Variants in FRMD8 observed in about 807,000 individuals in gnomAD.
FRMD8 encodes FERM domain containing 8.
FRMD8 carries 37 observed loss-of-function variants against 54.2 expected under a neutral mutation model. The ratio of observed to expected loss-of-function variants is 0.68; its 90% CI spans 0.53 to 0.90. The LOEUF (loss-of-function observed/expected upper bound fraction) is 0.90. FRMD8 is among the 40% of genes least tolerant of loss of function. The probability of loss-of-function intolerance (pLI) is 0.00; values close to 1 mark genes in which losing one functional copy is unlikely to be tolerated. For synonymous variants in FRMD8, 246 were observed against 286.9 expected (o/e 0.86, Z 1.44); for missense variants, 585 against 653.7 (o/e 0.89, Z 1.15).
chr11:65,392,562 T>C (rs1274797468), intron 3 of FRMD8, among the ~76,000 whole-genome samples: 2 of 152,162 alleles, frequency 1.3e-5, no homozygotes, highest in African/African-American at 4.8e-5. Flanking sequence ...TGAAAGGCTT[T>C]GTCCCTCCTG....
At position 65,396,930 on chromosome 11, in the gene FRMD8, A is replaced by G; in HGVS notation, c.713A>G (p.Gln238Arg). ...CTGCTGAACGCCTACCGCCAGGTGCAGGAGGTCAGCAGCGACGGCGGGTGC... is the reference window on the plus strand; with the variant it reads ...CTGCTGAACGCCTACCGCCAGGTGCGGGAGGTCAGCAGCGACGGCGGGTGC... ...QGLLNAYRQVQEVSSDGGCEA... is the reference protein window; with the variant it reads ...QGLLNAYRQVREVSSDGGCEA... The change falls in exon 7 of 11, where the codon CAG becomes CGG. Residue 238 changes from glutamine to arginine, a missense_variant. By Grantham distance (43) the Gln-to-Arg change is conservative. Coordinates refer to ENST00000317568, the MANE Select transcript of FRMD8 (RefSeq NM_031904.5). 1.3e-6 allele frequency: 2 copies of G among 1,550,682 alleles called. No individual in the cohort carries two copies. The highest frequency in any genetic ancestry group is 1.4e-5 in the African/African-American group (1 of 72,886).
chr11:65,400,831 A>G lies in FRMD8; in HGVS notation c.1035A>G (p.Thr345=). Residue 345 remains threonine (T), a synonymous_variant, in exon 9 of 11, where the codon ACA becomes ACG. Coordinates refer to ENST00000317568, the MANE Select transcript of FRMD8 (RefSeq NM_031904.5). The surrounding 1 kb of genome is among the most constrained non-coding windows in gnomAD (Gnocchi z 4.3). The part of the protein sequence containing the change: ...WLEFDGDSEG[T]PVNKLLKIYS... ...AGTTCGACGGGGACAGCGAGGGCAC[A>G]CCTGTCAACAAGCTCCTCAAGATCT... is the stretch of plus-strand genomic sequence containing the variant. The G allele has an allele frequency of 6.2e-7, 1 of 1,612,322 alleles. No individual in the cohort carries two copies. Among genetic ancestry groups the G allele is most frequent in the Non-Finnish European group, 8.5e-7 (1 of 1,179,386 alleles).
intron 7 of FRMD8, among the ~76,000 whole-genome samples, chr11:65,398,248 T>G (rs2137899892): frequency 6.6e-6 from 1 of 152,332 alleles, no homozygotes; most frequent in East Asian, 1.9e-4. Context: ...TGCTCCCGCC[T>G]CAGCCTCCCA....
intron 7 of FRMD8, among the ~76,000 whole-genome samples, chr11:65,397,248 C>G (rs1422584250): frequency 6.6e-6 from 1 of 152,224 alleles, no homozygotes; most frequent in Non-Finnish European, 1.5e-5. Context: ...TTCTACCTGG[C>G]ACAGTCACCT....
In FRMD8 at chr11:65,411,312, G is replaced by A. The variant is rs1390451349; in HGVS notation, c.1347G>A (p.Gln449=). The change falls in exon 11 of 11, where the codon CAG becomes CAA. Residue 449 remains glutamine (Q), a synonymous_variant. Transcript: ENST00000317568. ...SFFSRQLSLG[Q]GSYTVVQPGD... ...TCAGCCGGCAGCTGTCCTTGGGCCA[G>A]GGGAGCTACACCGTGGTGCAGCCCG... 6.2e-7 allele frequency: 1 copy of A among 1,608,960 alleles called. No homozygotes were observed. The highest frequency in any genetic ancestry group is 1.3e-5 in the African/African-American group (1 of 74,916).
rs771645826 is a variant in FRMD8, at chr11:65,404,941, T to C, written c.1149T>C (p.Ser383=). Residue 383 remains serine, a synonymous_variant, in exon 10 of 11, where the codon AGT becomes AGC. Coordinates refer to ENST00000317568, the MANE Select transcript of FRMD8 (RefSeq NM_031904.5). The surrounding 1 kb of genome is among the most constrained non-coding windows in gnomAD (Gnocchi z 4.7). ...CGGAGCCCGCAGGCCCCCAGGACAG[T>C]GCGACTGGCTCGCCCTCGGACCCCA... The part of the protein sequence containing the change: ...QAAEPAGPQD[S]ATGSPSDPSS... The C allele has an allele frequency of 6.2e-7, 1 of 1,613,294 alleles. No individual in the cohort carries two copies. Among genetic ancestry groups the C allele is most frequent in the Non-Finnish European group, 8.5e-7 (1 of 1,180,020 alleles).
intron 6 of FRMD8, among the ~76,000 whole-genome samples, chr11:65,395,687 C>CT (rs1360871185): frequency 5.3e-5 from 8 of 152,188 alleles, no homozygotes; most frequent in African/African-American, 1.9e-4. Flanking sequence ...GGGAGATGCC[C>CT]TTTCTTTTGT....
At chr11:65,391,716 G>A (rs1233028323) in intron 3 of FRMD8, among the ~76,000 whole-genome samples, 2 of 152,134 alleles carry the variant, frequency 1.3e-5, no homozygotes, top group African/African-American at 4.8e-5. Flanking sequence ...TTCCCACGTT[G>A]AGCAGGCTGG....
intron 10 of FRMD8, among the ~76,000 whole-genome samples, chr11:65,406,366 T>C (rs1392079992): frequency 6.6e-6 from 1 of 151,996 alleles, no homozygotes; most frequent in Non-Finnish European, 1.5e-5. Flanking sequence ...GGCTACTTTT[T>C]TGTATTTGTA....
chr11:65,376,523 G>A, the FRMD8 span: 119 of 1,614,068 alleles, frequency 7.4e-5, no homozygotes, highest in Non-Finnish European at 8.9e-5. Context: ...CCTTCCTGCC[G>A]GATGCTGCTC....
chr11:65,369,991 A>T, the FRMD8 span, among the ~76,000 whole-genome samples: 1 of 151,370 alleles, frequency 6.6e-6, no homozygotes, highest in Non-Finnish European at 1.5e-5. Context: ...AGATCACACC[A>T]TTGCATTCCA....
the FRMD8 span, among the ~76,000 whole-genome samples, chr11:65,374,083 G>A: frequency 3.9e-5 from 6 of 152,272 alleles, no homozygotes; most frequent in South Asian, 1.0e-3. Context: ...GGCCAAGGCG[G>A]GTGGATCACA....
At chr11:65,397,358 G>C (rs1019723850) in intron 7 of FRMD8, among the ~76,000 whole-genome samples, 4 of 152,172 alleles carry the variant, frequency 2.6e-5, no homozygotes, top group African/African-American at 7.2e-5. Flanking sequence ...CACGCTCCCT[G>C]GGCACTGGAG....
the FRMD8 span, chr11:65,380,847 C>T: frequency 3.2e-6 from 1 of 308,356 alleles, no homozygotes; most frequent in East Asian, 9.2e-5. Flanking sequence ...GCCTCAGGGC[C>T]CGGGACTGCG....
At chr11:65,388,090 A>G (rs934297762) in intron 2 of FRMD8, among the ~76,000 whole-genome samples, 1 of 151,404 alleles carries the variant, frequency 6.6e-6, no homozygotes, top group Non-Finnish European at 1.5e-5. Context: ...CTTGAACCTG[A>G]GAGGCGGAGG....
chr11:65,410,722 A>G (rs1483915585), intron 10 of FRMD8, among the ~76,000 whole-genome samples: 6 of 151,790 alleles, frequency 4.0e-5, no homozygotes, highest in Admixed American at 3.9e-4. Context: ...CCTGGGAGGC[A>G]GAGCTTGCAG....
In FRMD8 at chr11:65,396,962, G is replaced by T; in HGVS notation, c.745G>T (p.Ala249Ser). ...CAGCAGCGACGGCGGGTGCGAGGCC[G>T]CCCTGGGCACCCACTACCGCGCCTA... ...EVSSDGGCEA[A>S]LGTHYRAYLL... Residue 249 changes from alanine to serine, a missense_variant, in exon 7 of 11, where the codon GCC (alanine) becomes TCC (serine). Physicochemically the swap from Ala to Ser is moderately conservative, Grantham distance 99. Transcript: ENST00000317568. 1 of 1,509,826 alleles carries T rather than the reference G, an allele frequency of 6.6e-7. No individual in the cohort carries two copies. The allele number at this position is 1,509,826 out of a possible 1,614,324, so 93.5% of individuals were successfully genotyped here. A position where few individuals can be genotyped will look rare whatever the true frequency, so the allele number is the denominator to read the frequency against.
rs2957273 is a variant in FRMD8, at chr11:65,411,584, C to G, written c.*224C>G. 420,797 of 428,666 alleles carry G rather than the reference C, an allele frequency of 0.98. 207,002 individuals carry two copies. Among genetic ancestry groups the G allele is most frequent in the East Asian group, 1 (27,392 of 27,392 alleles). The allele number at this position is 428,666 out of a possible 1,614,324, so 26.6% of individuals were successfully genotyped here. ...GTAGGGCTCCTCTGCAGCCTGCCCT[C>G]CCTTCCCCCGGATGCTGGGCCCTGC... On this transcript the variant is annotated 3_prime_UTR_variant, in exon 11 of 11. Transcript: ENST00000317568.
At chr11:65,380,268 G>A in the FRMD8 span, 5 of 1,584,798 alleles carry the variant, frequency 3.2e-6, no homozygotes, top group Non-Finnish European at 4.3e-6. Flanking sequence ...TCAGGCAGGA[G>A]GAAGGAGAGC....
Sources: gnomAD v4.1 joint callset for allele counts (sites outside exome capture counted in the v4.1 genomes callset) on GRCh38, gnomAD v4.1.1 for gene constraint, Gnocchi (gnomAD v3.1) non-coding constraint, MANE v1.5 for transcripts, NCBI Gene and HGNC (gene_info 2026-07-23, HGNC 2026-07-21) for gene names.